EHF: variants seen among roughly 807,000 people sequenced by gnomAD.
The protein encoded by EHF is ESE3 transcription factor.
EHF carries 14 observed loss-of-function variants against 45.1 expected under a neutral mutation model. The observed-to-expected ratio is 0.31, with a 90% CI of 0.21 to 0.49. EHF has a LOEUF of 0.49. Ranked by LOEUF, EHF falls within the 20% of genes least tolerant of loss-of-function variation. The pLI is 0.99. For synonymous variants in EHF, 136 were observed against 131.8 expected, an observed-to-expected ratio of 1.03 and a Z score of -0.22; for missense variants, 282 against 371.4, an observed-to-expected ratio of 0.76 and a Z score of 1.98.
At position 34,658,744 on chromosome 11, in the gene EHF, T is replaced by C; in HGVS notation, c.803+16T>C. ...GAGCTATGAGGTGAGGAGTTTCATG[T>C]CTCTGAAAACAAAAAGGCTGTACGA... On this transcript the variant is annotated intron_variant, in intron 8 of 8. Transcript: ENST00000257831. 6.2e-7 allele frequency: 1 copy of C among 1,609,818 alleles called. No homozygotes were observed. Among genetic ancestry groups the C allele is most frequent in the Non-Finnish European group, 8.5e-7 (1 of 1,178,192 alleles).
rs1856001498 is a variant in EHF, at chr11:34,660,261, A to G, written c.*1330A>G. The stretch of plus-strand genomic sequence containing the variant: ...GAAGACATTTTCACTGGAATTACAA[A>G]GCAGAATTAAAATTATATTGTAGAA... On this transcript the variant is annotated 3_prime_UTR_variant, in exon 9 of 9. Transcript: ENST00000257831. 6.6e-6 allele frequency: 1 copy of G among 152,180 alleles called. No homozygotes were observed. Among genetic ancestry groups the G allele is most frequent in the Non-Finnish European group, 1.5e-5 (1 of 68,028 alleles). 9.4% of individuals were successfully genotyped at this position (152,180 alleles called of 1,614,324 possible).
chr11:34,639,231 A>ATT lies in EHF; in HGVS notation c.-3-3388_-3-3387dup, dbSNP rs139694403. On this transcript the variant is annotated intron_variant, in intron 1 of 8. Coordinates refer to ENST00000257831, the MANE Select transcript of EHF (RefSeq NM_012153.6). ...TCTCTACTTCCACACATTTGATGGT[A>ATT]TTTTTTTTTTAAGGAAAATAATGAA... is the stretch of plus-strand genomic sequence containing the variant. 1.8e-3 allele frequency among the ~76,000 whole-genome samples: 263 copies of ATT among 150,284 alleles called. 1 individual carries two copies. Among genetic ancestry groups the ATT allele is most frequent in the African/African-American group, 6.0e-3 (244 of 40,956 alleles).
intron 2 of EHF, among the ~76,000 whole-genome samples, chr11:34,645,158 A>G (rs1484076237): frequency 6.6e-6 from 1 of 152,134 alleles, no homozygotes; most frequent in Non-Finnish European, 1.5e-5. Context: ...GCCCTGTTAC[A>G]TGCCCTCAGA....
chr11:34,647,554 G>T (rs565641613), intron 3 of EHF, among the ~76,000 whole-genome samples: 1 of 152,368 alleles, frequency 6.6e-6, no homozygotes, highest in East Asian at 1.9e-4. Flanking sequence ...ATCCTGAAAA[G>T]TAGCAATATT....
At chr11:34,635,954 G>T (rs1853363506) in intron 1 of EHF, among the ~76,000 whole-genome samples, 1 of 152,064 alleles carries the variant, frequency 6.6e-6, no homozygotes, top group Admixed American at 6.6e-5. Context: ...AGCCATAATG[G>T]TACGTCTACA....
intron 1 of EHF, among the ~76,000 whole-genome samples, chr11:34,639,476 G>T (rs963272933): frequency 1.3e-5 from 2 of 152,176 alleles, no homozygotes; most frequent in African/African-American, 4.8e-5. Flanking sequence ...CATCTCAACA[G>T]TCCTGTGAGG....
At position 34,628,377 on chromosome 11, in the gene EHF, C is replaced by T. The variant is rs188879219; in HGVS notation, c.-4+7149C>T. 3.3e-3 allele frequency among the ~76,000 whole-genome samples: 506 copies of T among 152,068 alleles called. 1 individual carries two copies. The highest frequency in any genetic ancestry group is 4.3e-3 in the Non-Finnish European group (295 of 67,984). On this transcript the variant is annotated intron_variant, in intron 1 of 8. Coordinates refer to ENST00000257831, the MANE Select transcript of EHF (RefSeq NM_012153.6). ...TAAATCTTATAATATTTTAATTTGT[C>T]ATGTAAAAATATTATTTTGAGAAGA...
At chr11:34,639,208 T>A (rs1054953011) in intron 1 of EHF, among the ~76,000 whole-genome samples, 2 of 151,524 alleles carry the variant, frequency 1.3e-5, no homozygotes, top group African/African-American at 4.8e-5. Flanking sequence ...TTCTGAAGTC[T>A]CTACTTCCAC....
intron 1 of EHF, among the ~76,000 whole-genome samples, chr11:34,639,764 C>T (rs77307581): frequency 0.026 from 4,031 of 152,356 alleles, 185 homozygotes; most frequent in African/African-American, 0.093. Flanking sequence ...GGGCCCCTCA[C>T]CATGCTGGCT....
chr11:34,655,114 A>G (rs1044018264), intron 6 of EHF, among the ~76,000 whole-genome samples: 4 of 152,140 alleles, frequency 2.6e-5, no homozygotes, highest in Admixed American at 2.0e-4. Flanking sequence ...GTCTCCTTGC[A>G]TTTCCTGTGA....
chr11:34,657,590 A>T (rs538390135), intron 7 of EHF, among the ~76,000 whole-genome samples: 2 of 150,498 alleles, frequency 1.3e-5, no homozygotes, highest in African/African-American at 4.9e-5. Flanking sequence ...GGAGTTCAAG[A>T]CCAGCTTGGG....
chr11:34,656,588 G>A (rs1293147900), intron 6 of EHF, among the ~76,000 whole-genome samples: 1 of 146,956 alleles, frequency 6.8e-6, no homozygotes, highest in Admixed American at 6.9e-5. Flanking sequence ...GTTACACATG[G>A]AAGGCTGTTG....
intron 1 of EHF, among the ~76,000 whole-genome samples, chr11:34,623,210 C>T (rs372519032): frequency 7.2e-5 from 11 of 151,984 alleles, no homozygotes; most frequent in East Asian, 1.9e-4. Flanking sequence ...CTCAGCCCCC[C>T]GAGTAGCTGG....
At chr11:34,624,180 G>A (rs576464922) in intron 1 of EHF, 1 of 620,362 alleles carries the variant, frequency 1.6e-6, no homozygotes, top group Non-Finnish European at 2.0e-6. Context: ...TAGAGTTGAC[G>A]TGACACTCAT....
At chr11:34,647,756 A>G (rs1590508111) in intron 3 of EHF, among the ~76,000 whole-genome samples, 1 of 152,182 alleles carries the variant, frequency 6.6e-6, no homozygotes, top group Non-Finnish European at 1.5e-5. Context: ...TGCGGTGGCC[A>G]TTTTAGATGA....
chr11:34,643,864 A>G (rs1854261003), intron 2 of EHF, among the ~76,000 whole-genome samples: 2 of 152,200 alleles, frequency 1.3e-5, no homozygotes, highest in East Asian at 1.9e-4. Flanking sequence ...CTTGCTCTGG[A>G]GAAAGCTGGG....
chr11:34,656,292 G>A (rs1174559935), intron 6 of EHF, among the ~76,000 whole-genome samples: 1 of 151,960 alleles, frequency 6.6e-6, no homozygotes, highest in Non-Finnish European at 1.5e-5. Context: ...TGGCGCCTTT[G>A]TCAGGCTGAT....
At chr11:34,627,376 A>G (rs1241782070) in intron 1 of EHF, among the ~76,000 whole-genome samples, 1 of 152,090 alleles carries the variant, frequency 6.6e-6, no homozygotes, top group Non-Finnish European at 1.5e-5. Context: ...ATGCCTGGCA[A>G]GTAGGGACCT....
In EHF at chr11:34,658,498, G is replaced by C. The variant is rs1055880629; in HGVS notation, c.608-35G>C. ...TCTGCCCTATCTTTGCTGTGACTTA[G>C]ATCATTAGTAACCTGCCTTTCTGCT... On this transcript the variant is annotated intron_variant, in intron 7 of 8. Coordinates refer to ENST00000257831, the MANE Select transcript of EHF (RefSeq NM_012153.6). The C allele has an allele frequency of 5.7e-6, 9 of 1,584,554 alleles. No homozygotes were observed. The East Asian group carries it at 1.3e-4, about 24-fold the overall frequency.
Sources: allele counts gnomAD v4.1 joint callset (sites outside exome capture counted in the v4.1 genomes callset), GRCh38; gene constraint gnomAD v4.1.1; transcripts MANE v1.5; gene names NCBI Gene and HGNC (gene_info 2026-07-23, HGNC 2026-07-21).